The following CATSPERB variants were observed in gnomAD, a reference collection of about 807,000 sequenced individuals.
CATSPERB encodes the protein cation channel sperm-associated auxiliary subunit beta.
CATSPERB carries 93 observed loss-of-function variants against 128.3 expected under a neutral mutation model. The observed-to-expected ratio is 0.72, with a 90% CI of 0.61 to 0.86. The LOEUF is 0.86. Among genes scored for constraint, CATSPERB ranks in the 40% least tolerant of loss-of-function variants. The pLI, the probability that CATSPERB is intolerant of heterozygous loss-of-function variation, is 0.00. For missense variants in CATSPERB, 1,153 were observed against 1,329.5 expected, an observed-to-expected ratio of 0.87 and a Z score of 2.06; for synonymous variants, 381 against 448.8, an observed-to-expected ratio of 0.85 and a Z score of 1.91.
At chr14:91,599,210 G>A (rs917345693) in intron 22 of CATSPERB, among the ~76,000 whole-genome samples, 7 of 152,230 alleles carry the variant, frequency 4.6e-5, no homozygotes, top group Middle Eastern at 3.4e-3. Flanking sequence ...GAACCCCTTC[G>A]TGGTTACCAA....
intron 20 of CATSPERB, among the ~76,000 whole-genome samples, chr14:91,612,931 A>G (rs925694137): frequency 6.6e-6 from 1 of 152,244 alleles, no homozygotes; most frequent in African/African-American, 2.4e-5. Flanking sequence ...ATGGAGTAGT[A>G]GCTGCCTTCA....
At position 91,617,704 on chromosome 14, in the gene CATSPERB, C is replaced by T. The variant is rs1236402317; in HGVS notation, c.2293G>A (p.Val765Met). The part of the protein sequence containing the change: ...FRMLEIPLLT[V>M]FVGNPNLLEV... ...AACAAATTAGGGTTTCCAACAAACACAGTCAGTAGTGGTATTTCAAGCATT... is the reference window on the plus strand; with the variant it reads ...AACAAATTAGGGTTTCCAACAAACATAGTCAGTAGTGGTATTTCAAGCATT... Residue 765 changes from valine to methionine, a missense_variant, in exon 20 of 27, where the codon GTG becomes ATG. Val to Met is a conservative substitution (Grantham distance 21, BLOSUM62 1). Coordinates refer to ENST00000256343, the MANE Select transcript of CATSPERB (RefSeq NM_024764.4). 1 of 1,602,940 alleles carries T rather than the reference C, an allele frequency of 6.2e-7. No individual in the cohort carries two copies. The highest frequency in any genetic ancestry group is 2.3e-5 in the East Asian group (1 of 43,884).
At chr14:91,633,350 G>A (rs1254788069) in intron 17 of CATSPERB, among the ~76,000 whole-genome samples, 4 of 151,790 alleles carry the variant, frequency 2.6e-5, no homozygotes, top group South Asian at 2.1e-4. Flanking sequence ...CATAAAGTAA[G>A]TTTCAAACAA....
chr14:91,646,902 T>G (rs1370686739), intron 15 of CATSPERB, among the ~76,000 whole-genome samples: 1 of 152,260 alleles, frequency 6.6e-6, no homozygotes. Flanking sequence ...ATTCTATTCA[T>G]GCTTTAATAA....
At position 91,693,207 on chromosome 14, in the gene CATSPERB, C is replaced by T. The variant is rs770203856; in HGVS notation, c.750G>A (p.Thr250=). 6 of 1,613,488 alleles carry T rather than the reference C, an allele frequency of 3.7e-6. No homozygotes were observed. In the East Asian group the frequency reaches 6.7e-5, roughly 18 times the overall value. The part of the protein sequence containing the change: ...EDLSLVDMVL[T]NHFLVILTSL... ...AGGTGAGGATAACTAAAAAATGATT[C>T]GTTAAAACCATATCCACCAATGAAA... Residue 250 remains threonine (T), a synonymous_variant, in exon 9 of 27, where the codon ACG becomes ACA. Transcript: ENST00000256343.
chr14:91,656,057 T>G (rs916532811), intron 15 of CATSPERB, among the ~76,000 whole-genome samples: 2 of 152,140 alleles, frequency 1.3e-5, no homozygotes, highest in Admixed American at 6.5e-5. Flanking sequence ...TTTTTAAAAC[T>G]TTTATCCCAG....
At chr14:91,623,112 C>A (rs1409804631) in intron 18 of CATSPERB, among the ~76,000 whole-genome samples, 1 of 152,102 alleles carries the variant, frequency 6.6e-6, no homozygotes, top group Non-Finnish European at 1.5e-5. Context: ...CCAGACTGGT[C>A]TCAAACTCCT....
intron 7 of CATSPERB, among the ~76,000 whole-genome samples, chr14:91,702,967 A>T (rs965720233): frequency 1.3e-5 from 2 of 151,916 alleles, no homozygotes; most frequent in African/African-American, 4.8e-5. Context: ...AGGATTTTTT[A>T]AATTATAATC....
chr14:91,692,389 G>A (rs1472795582), intron 9 of CATSPERB, among the ~76,000 whole-genome samples: 2 of 152,006 alleles, frequency 1.3e-5, no homozygotes, highest in Admixed American at 6.6e-5. Flanking sequence ...AGCGTTCCTG[G>A]TTTCAACTCT....
chr14:91,667,330 G>A (rs189776664), intron 14 of CATSPERB, among the ~76,000 whole-genome samples: 18 of 152,142 alleles, frequency 1.2e-4, no homozygotes, highest in African/African-American at 3.1e-4. Context: ...GAGAACAGCA[G>A]CATAAGTGTC....
intron 14 of CATSPERB, among the ~76,000 whole-genome samples, chr14:91,668,106 C>G (rs143685597): frequency 6.6e-6 from 1 of 152,306 alleles, no homozygotes; most frequent in Non-Finnish European, 1.5e-5. Context: ...CCCCATCCAG[C>G]AGGAAGTAGC....
chr14:91,678,792 T>C (rs1595176020), intron 11 of CATSPERB, among the ~76,000 whole-genome samples: 1 of 152,192 alleles, frequency 6.6e-6, no homozygotes, highest in Non-Finnish European at 1.5e-5. Flanking sequence ...AAAAGCAGAA[T>C]GATCTTTGTT....
intron 2 of CATSPERB, among the ~76,000 whole-genome samples, chr14:91,726,351 C>T (rs1263240629): frequency 6.6e-6 from 1 of 152,200 alleles, no homozygotes; most frequent in Non-Finnish European, 1.5e-5. Context: ...GGCTCCTGCA[C>T]CTGCCCATCT....
At chr14:91,620,879 C>T (rs1433972922) in intron 19 of CATSPERB, among the ~76,000 whole-genome samples, 1 of 152,146 alleles carries the variant, frequency 6.6e-6, no homozygotes, top group Non-Finnish European at 1.5e-5. Flanking sequence ...AATATCTGCA[C>T]ATAAGAGGAT....
At chr14:91,595,106 C>T (rs1285639) in intron 22 of CATSPERB, among the ~76,000 whole-genome samples, 111,380 of 152,010 alleles carry the variant, frequency 0.73, 41,243 homozygotes, top group East Asian at 0.97. Context: ...TACTGTAGTT[C>T]TGAAACATAA....
Position 91,682,998 on chromosome 14 carries a change from G to C in CATSPERB, c.931+879C>G, listed in dbSNP as rs572449509. Among the ~76,000 whole-genome samples the C allele has an allele frequency of 4.6e-5, 7 of 152,120 alleles. No homozygotes were observed. The East Asian group carries it at 9.6e-4, about 21-fold the overall frequency. ...ATATAACCTAACCTATGCATGCATT[G>C]GATACTCATATTCTGCTATAGATAC... On this transcript the variant is annotated intron_variant, in intron 11 of 26. Transcript: ENST00000256343.
chr14:91,609,406 C>A (rs1893779005), intron 21 of CATSPERB, among the ~76,000 whole-genome samples: 1 of 152,150 alleles, frequency 6.6e-6, no homozygotes, highest in Non-Finnish European at 1.5e-5. Flanking sequence ...CCTCTCAGGG[C>A]ATTTTAAAGG....
rs151281409 is a variant in CATSPERB, at chr14:91,612,138, C to T, written c.2401-1461G>A. ...ACAGTGGCACTATTATAGCTTACTT[C>T]AGGCTTGAACTCCTGGGCTCAAGCG... On this transcript the variant is annotated intron_variant, in intron 20 of 26. Coordinates refer to ENST00000256343, the MANE Select transcript of CATSPERB (RefSeq NM_024764.4). 6.2e-4 allele frequency among the ~76,000 whole-genome samples: 94 copies of T among 151,674 alleles called. 1 individual carries two copies. The highest frequency in any genetic ancestry group is 2.2e-3 in the African/African-American group (91 of 41,286).
chr14:91,593,253 C>T (rs1243412424), intron 22 of CATSPERB, among the ~76,000 whole-genome samples: 3 of 152,226 alleles, frequency 2.0e-5, no homozygotes, highest in African/African-American at 7.2e-5. Context: ...CCTACTGGGG[C>T]ACTGCCTAGT....
Sources: allele counts gnomAD v4.1 joint callset (sites outside exome capture counted in the v4.1 genomes callset), GRCh38; gene constraint gnomAD v4.1.1; transcripts MANE v1.5; gene names NCBI Gene and HGNC (gene_info 2026-07-23, HGNC 2026-07-21).